RARS1: variants seen among roughly 807,000 people sequenced by gnomAD.
RARS1 encodes arginyl-tRNA synthetase 1.
In RARS1, 75 loss-of-function variants were observed where a neutral mutation model predicts 78.7. The observed-to-expected ratio is 0.95, with a 90% CI of 0.79 to 1.15. The LOEUF is 1.15. Ranked by LOEUF, RARS1 falls within the 50% of genes most tolerant of loss-of-function variation. RARS1 has a pLI of 0.00. For synonymous variants in RARS1, 273 were observed against 268.2 expected, an observed-to-expected ratio of 1.02 and a Z score of -0.18; for missense variants, 787 against 787.5, an observed-to-expected ratio of 1.00 and a Z score of 0.01.
At position 168,518,097 on chromosome 5, in the gene RARS1, G is replaced by GTTTTTTTTTTTTT. The variant is rs1561829748; in HGVS notation, c.1873+36_1873+37insTTTTTTTTTTTTT. The GTTTTTTTTTTTTT allele has an allele frequency of 3.3e-6, 3 of 920,034 alleles. No homozygotes were observed. The African/African-American group carries it at 1.5e-4, about 47-fold the overall frequency. The allele number at this position is 920,034 out of a possible 1,614,324, so 57.0% of individuals were successfully genotyped here. On this transcript the variant is annotated intron_variant, in intron 14 of 14. Transcript: ENST00000231572. Reference sequence around the variant, plus strand: ...TTTTTTTTTTTTTTTTTTTTTTTTAGTGAGAGACACGGATCTTGCTCTGTC... The same window carrying GTTTTTTTTTTTTT: ...TTTTTTTTTTTTTTTTTTTTTTTTAGTTTTTTTTTTTTTTGAGAGACACGGATCTTGCTCTGTC...
chr5:168,492,795 A>G lies in RARS1; in HGVS notation c.317A>G (p.Gln106Arg). ...ENPPLLVTPS[Q>R]QAKFGDYQCN... Reference sequence around the variant, plus strand: ...CCTCCTCTGCTAGTGACACCAAGTCAGCAGGCCAAGTTTGGGGACTATCAG... The same window carrying G: ...CCTCCTCTGCTAGTGACACCAAGTCGGCAGGCCAAGTTTGGGGACTATCAG... The change falls in exon 3 of 15, where the codon CAG (glutamine) becomes CGG (arginine). Residue 106 changes from glutamine to arginine, a missense_variant. Physicochemically the swap from Gln to Arg is conservative, Grantham distance 43 (BLOSUM62 1). Transcript: ENST00000231572. 1 of 1,613,994 alleles carries G rather than the reference A, an allele frequency of 6.2e-7. No individual in the cohort carries two copies. Among genetic ancestry groups the G allele is most frequent in the African/African-American group, 1.3e-5 (1 of 75,066 alleles).
chr5:168,495,002 AT>A lies in RARS1; in HGVS notation c.580-299del, dbSNP rs35237798. On this transcript the variant is annotated intron_variant, in intron 5 of 14. Coordinates refer to ENST00000231572, the MANE Select transcript of RARS1 (RefSeq NM_002887.4). The stretch of plus-strand genomic sequence containing the variant: ...TCCCCTGGGTCTAGCATGTTGTGTG[AT>A]TTTTTTTTTTTTTCACTTAATTCCA... The A allele has an allele frequency of 0.21, 54,267 of 256,428 alleles. 2,578 individuals carry two copies. The highest frequency in any genetic ancestry group is 0.46 in the East Asian group (5,295 of 11,506). The allele number at this position is 256,428 out of a possible 1,614,324, so 15.9% of individuals were successfully genotyped here.
chr5:168,491,806 A>G (rs1352833487), intron 2 of RARS1, among the ~76,000 whole-genome samples: 1 of 152,246 alleles, frequency 6.6e-6, no homozygotes, highest in Non-Finnish European at 1.5e-5. Flanking sequence ...TCATTATTTT[A>G]TACTGTTGAC....
intron 1 of RARS1, among the ~76,000 whole-genome samples, chr5:168,486,754 G>A (rs1757972928): frequency 6.6e-6 from 1 of 152,076 alleles, no homozygotes; most frequent in African/African-American, 2.4e-5. Flanking sequence ...CAGCGGAATG[G>A]AGGGTCCCCA....
intron 7 of RARS1, chr5:168,498,033 G>C (rs1758235020): frequency 6.6e-6 from 1 of 152,052 alleles, no homozygotes; most frequent in African/African-American, 2.4e-5. Flanking sequence ...TTGGAGACCA[G>C]CCTGAGCAAC....
chr5:168,510,028 T>C (rs916354879), intron 11 of RARS1, among the ~76,000 whole-genome samples: 1 of 152,162 alleles, frequency 6.6e-6, no homozygotes, highest in Non-Finnish European at 1.5e-5. Context: ...CAAGCATCTT[T>C]CTTAAACCTT....
Position 168,506,218 on chromosome 5 carries a change from A to G in RARS1, c.1236+19A>G, listed in dbSNP as rs1195171964. 6.6e-7 allele frequency: 1 copy of G among 1,521,832 alleles called. No homozygotes were observed. The highest frequency in any genetic ancestry group is 8.9e-7 in the Non-Finnish European group (1 of 1,120,874). 94.3% of individuals were successfully genotyped at this position (1,521,832 alleles called of 1,614,324 possible). A position where few individuals can be genotyped will look rare whatever the true frequency, so the allele number is the denominator to read the frequency against. The stretch of plus-strand genomic sequence containing the variant: ...TGGACAAGTGAGTTTGTAAATTTGT[A>G]TGTGTTTTACATTGACTGATTAGAG... On this transcript the variant is annotated intron_variant, in intron 10 of 14. Transcript: ENST00000231572.
rs199894860 is a variant in RARS1 at position 168,510,598 on chromosome 5, G to A, written c.1364G>A (p.Arg455His). Residue 455 changes from arginine to histidine, a missense_variant, in exon 12 of 15, where the codon CGT becomes CAT. Arg to His is a conservative substitution (Grantham distance 29). Coordinates refer to ENST00000231572, the MANE Select transcript of RARS1 (RefSeq NM_002887.4). ...LGEDKKKFKT[R>H]SGETVRLMDL... Reference sequence around the variant, plus strand: ...TTTTTTAGGAAAAAGTTTAAAACACGTTCGGGTGAAACAGTGCGCCTCATG... The same window carrying A: ...TTTTTTAGGAAAAAGTTTAAAACACATTCGGGTGAAACAGTGCGCCTCATG... The A allele has an allele frequency of 8.7e-6, 14 of 1,608,798 alleles. No individual in the cohort carries two copies. Among genetic ancestry groups the A allele is most frequent in the South Asian group, 5.6e-5 (5 of 89,500 alleles).
intron 7 of RARS1, 55 bp from the exon 8 acceptor site, chr5:168,500,536 A>G (rs17633733): frequency 7.4e-7 from 1 of 1,353,162 alleles, no homozygotes; most frequent in South Asian, 2.0e-5. Flanking sequence ...TTTTCTAGAA[A>G]TACAGGATTA....
At chr5:168,516,702 A>G (rs1758672298) in intron 12 of RARS1, 76 bp from the exon 13 acceptor site, 2 of 1,409,700 alleles carry the variant, frequency 1.4e-6, no homozygotes, top group Non-Finnish European at 2.0e-6. Flanking sequence ...TCCCTACCCC[A>G]GTCTTATGCC....
intron 6 of RARS1, 185 bp from the exon 7 acceptor site, chr5:168,497,043 A>T (rs1224837424): frequency 4.6e-6 from 2 of 435,434 alleles, no homozygotes; most frequent in Non-Finnish European, 7.8e-6. Flanking sequence ...TGTAACAGAC[A>T]TAGTTTTCAT....
chr5:168,497,363 C>A lies in RARS1; in HGVS notation c.822+15C>A, dbSNP rs201233733. The A allele has an allele frequency of 6.5e-7, 1 of 1,527,394 alleles. No individual in the cohort carries two copies. Among genetic ancestry groups the A allele is most frequent in the Non-Finnish European group, 8.8e-7 (1 of 1,132,226 alleles). 94.6% of individuals were successfully genotyped at this position (1,527,394 alleles called of 1,614,324 possible). A position where few individuals can be genotyped will look rare whatever the true frequency, so the allele number is the denominator to read the frequency against. ...TCTTTTATAAGGTTTGATACCATTT[C>A]TTTTATATTATGTGTGTGTTTACCA... is the stretch of plus-strand genomic sequence containing the variant. On this transcript the variant is annotated intron_variant, in intron 7 of 14. Coordinates refer to ENST00000231572, the MANE Select transcript of RARS1 (RefSeq NM_002887.4).
chr5:168,517,964 T>C lies in RARS1; in HGVS notation c.1775T>C (p.Leu592Ser), dbSNP rs1758705904. The C allele has an allele frequency of 6.2e-7, 1 of 1,613,742 alleles. No homozygotes were observed. Among genetic ancestry groups the C allele is most frequent in the Non-Finnish European group, 8.5e-7 (1 of 1,179,926 alleles). ...ATTCTGCAAAAGATTTTAGATGACT[T>C]ATTTCTCCACACTCTCTGTGATTAT... is the stretch of plus-strand genomic sequence containing the variant. ...PEILQKILDDLFLHTLCDYIY... is the reference protein window; with the variant it reads ...PEILQKILDDSFLHTLCDYIY... Residue 592 changes from leucine (L) to serine (S), a missense_variant, in exon 14 of 15, where the codon TTA becomes TCA. Leu to Ser is a moderately radical substitution (Grantham distance 145). Coordinates refer to ENST00000231572, the MANE Select transcript of RARS1 (RefSeq NM_002887.4).
intron 7 of RARS1, among the ~76,000 whole-genome samples, chr5:168,498,969 A>G (rs951828985): frequency 1.3e-5 from 2 of 151,164 alleles, no homozygotes; most frequent in Admixed American, 6.6e-5. Context: ...GTGAGACCCT[A>G]TCTCAAAAAA....
At chr5:168,488,851 A>G (rs1401704294) in intron 2 of RARS1, 115 bp downstream of exon 2, 3 of 1,248,444 alleles carry the variant, frequency 2.4e-6, no homozygotes, top group Non-Finnish European at 3.3e-6. Context: ...AAAGAAGCAT[A>G]GAAACCCTAT....
intron 1 of RARS1, 34 bp from the exon 2 acceptor site, chr5:168,488,568 T>C: frequency 6.3e-7 from 1 of 1,587,758 alleles, no homozygotes; most frequent in Non-Finnish European, 8.5e-7. Flanking sequence ...GGAAGTAAGT[T>C]TATGGACTGA....
chr5:168,513,592 T>A (rs1478745863), intron 12 of RARS1, among the ~76,000 whole-genome samples: 1 of 152,200 alleles, frequency 6.6e-6, no homozygotes, highest in Non-Finnish European at 1.5e-5. Flanking sequence ...GTGCTGGGAT[T>A]ACAGGCATGA....
At chr5:168,514,965 A>T (rs1758634044) in intron 12 of RARS1, among the ~76,000 whole-genome samples, 2 of 152,176 alleles carry the variant, frequency 1.3e-5, no homozygotes, top group Admixed American at 1.3e-4. Context: ...CAGGTTATAC[A>T]GTCTTATAAG....
At chr5:168,486,791 G>T (rs887631080) in intron 1 of RARS1, among the ~76,000 whole-genome samples, 1 of 152,164 alleles carries the variant, frequency 6.6e-6, no homozygotes, top group Non-Finnish European at 1.5e-5. Flanking sequence ...CCCCAAACCA[G>T]CGTCTTCGGT....
Sources: gnomAD v4.1 joint callset for allele counts (sites outside exome capture counted in the v4.1 genomes callset) on GRCh38, gnomAD v4.1.1 for gene constraint, MANE v1.5 for transcripts, NCBI Gene and HGNC (gene_info 2026-07-23, HGNC 2026-07-21) for gene names.